The following NRXN3 variants were observed in gnomAD, a reference collection of about 807,000 sequenced individuals.
NRXN3 encodes the protein neurexin III.
A neutral mutation model predicts 137.6 loss-of-function variants in NRXN3; 32 were observed. The observed-to-expected ratio is 0.23, with a 90% CI of 0.18 to 0.31. The LOEUF is 0.31. NRXN3 is among the 10% of genes least tolerant of loss of function. The pLI, the probability that NRXN3 is intolerant of heterozygous loss-of-function variation, is 1.00. For synonymous variants in NRXN3, 798 were observed against 784.5 expected, an observed-to-expected ratio of 1.02 and a Z score of -0.29; for missense variants, 1,574 against 2,062.5, an observed-to-expected ratio of 0.76 and a Z score of 4.59.
intron 10 of NRXN3, among the ~76,000 whole-genome samples, chr14:78,882,255 A>C (rs1457474695): frequency 6.6e-6 from 1 of 151,744 alleles, no homozygotes; most frequent in Non-Finnish European, 1.5e-5. Flanking sequence ...TGGAGCCCCC[A>C]CACGGAGTCC....
At position 78,495,122 on chromosome 14, in the gene NRXN3, G is replaced by GGT. The variant is rs199921709; in HGVS notation, c.758-149988_758-149987dup. Among the ~76,000 whole-genome samples the GGT allele has an allele frequency of 6.7e-5, 5 of 75,180 alleles. No individual in the cohort carries two copies. The East Asian group carries it at 2.0e-3, about 30-fold the overall frequency. 49.3% of individuals were successfully genotyped at this position (75,180 alleles called of 152,430 possible). On this transcript the variant is annotated intron_variant, in intron 4 of 20. Coordinates refer to ENST00000335750, the MANE Select transcript of NRXN3 (RefSeq NM_001330195.2). ...TTTGTCAAACTGTTTGTATATGTGG[G>GGT]GTGTGTGTGTGCGTGCGTGTGTGTG...
chr14:79,390,084 G>A (rs1188203899), intron 15 of NRXN3, among the ~76,000 whole-genome samples: 4 of 152,082 alleles, frequency 2.6e-5, no homozygotes, highest in Non-Finnish European at 4.4e-5. Context: ...TTGGGAGGCC[G>A]AGGCTGGTGG....
At chr14:79,462,681 G>A (rs937410800) in intron 15 of NRXN3, among the ~76,000 whole-genome samples, 2 of 150,896 alleles carry the variant, frequency 1.3e-5, no homozygotes, top group Non-Finnish European at 3.0e-5. Flanking sequence ...TTGTATTATT[G>A]TATTTTAGTA....
At chr14:79,389,839 C>T (rs2153470913) in intron 15 of NRXN3, among the ~76,000 whole-genome samples, 1 of 152,178 alleles carries the variant, frequency 6.6e-6, no homozygotes, top group Non-Finnish European at 1.5e-5. Context: ...TAGTGAAAGT[C>T]AGGTTTGAAC....
chr14:79,344,724 G>A (rs1266485130), intron 15 of NRXN3, among the ~76,000 whole-genome samples: 1 of 152,082 alleles, frequency 6.6e-6, no homozygotes, highest in African/African-American at 2.4e-5. Context: ...AATGTGAAAT[G>A]CATCTGGAAA....
intron 16 of NRXN3, among the ~76,000 whole-genome samples, chr14:79,505,197 A>G (rs1207592686): frequency 6.6e-6 from 1 of 151,282 alleles, no homozygotes; most frequent in Non-Finnish European, 1.5e-5. Context: ...CCTGGGCAAC[A>G]AGAGTGAAAC....
intron 15 of NRXN3, among the ~76,000 whole-genome samples, chr14:79,142,499 G>A (rs1048522642): frequency 2.0e-5 from 3 of 151,996 alleles, no homozygotes; most frequent in Admixed American, 6.6e-5. Flanking sequence ...GGACATTTGA[G>A]CAAAGATATG....
At chr14:79,844,968 T>C (rs546078694) in intron 20 of NRXN3, among the ~76,000 whole-genome samples, 3 of 152,338 alleles carry the variant, frequency 2.0e-5, no homozygotes, top group African/African-American at 7.2e-5. Context: ...TTATCTTAGC[T>C]AGATTTTCTG....
intron 4 of NRXN3, among the ~76,000 whole-genome samples, chr14:78,587,676 A>G (rs1206979639): frequency 6.6e-6 from 1 of 152,186 alleles, no homozygotes; most frequent in African/African-American, 2.4e-5. Context: ...TAATCTGCCA[A>G]TCATCTTTCC....
intron 10 of NRXN3, among the ~76,000 whole-genome samples, chr14:78,880,971 A>G (rs1340985236): frequency 4.6e-5 from 7 of 152,200 alleles, no homozygotes; most frequent in African/African-American, 1.7e-4. Flanking sequence ...TAATTAAATC[A>G]CGGGGGCAAT....
rs200051399 is a variant in NRXN3 at position 78,789,061 on chromosome 14, A to C, written c.2045-14559A>C. ...CTGTCATTTATAATGGTTTATTTTG[A>C]AATTTTATAACATGTTTGCACAATA... On this transcript the variant is annotated intron_variant, in intron 8 of 20. Coordinates refer to ENST00000335750, the MANE Select transcript of NRXN3 (RefSeq NM_001330195.2). Among the ~76,000 whole-genome samples, 12 of 152,326 alleles carry C rather than the reference A, an allele frequency of 7.9e-5. No homozygotes were observed. The East Asian group carries it at 2.1e-3, about 27-fold the overall frequency.
chr14:78,267,247 T>C (rs1268599862), intron 2 of NRXN3, among the ~76,000 whole-genome samples: 1 of 152,194 alleles, frequency 6.6e-6, no homozygotes, highest in African/African-American at 2.4e-5. Context: ...TGACTCCCAA[T>C]TTATAGATGA....
intron 15 of NRXN3, among the ~76,000 whole-genome samples, chr14:79,434,560 C>T (rs905960044): frequency 4.6e-5 from 7 of 152,214 alleles, no homozygotes; most frequent in Non-Finnish European, 1.0e-4. Flanking sequence ...GTCAGTGGTG[C>T]AGGTACGATG....
intron 15 of NRXN3, among the ~76,000 whole-genome samples, chr14:79,191,340 T>C (rs1261088758): frequency 6.6e-6 from 1 of 152,186 alleles, no homozygotes; most frequent in African/African-American, 2.4e-5. Flanking sequence ...TGATGATAGA[T>C]GAAGACAATT....
chr14:79,740,767 T>TATATATATATAA (rs2098960421), intron 19 of NRXN3, among the ~76,000 whole-genome samples: 1 of 110,432 alleles, frequency 9.1e-6, no homozygotes, highest in African/African-American at 3.5e-5. Context: ...TATATATATA[T>TATATATATATAA]AACCTTACTT....
chr14:79,202,748 T>C (rs555809621), intron 15 of NRXN3, among the ~76,000 whole-genome samples: 1 of 152,320 alleles, frequency 6.6e-6, no homozygotes, highest in East Asian at 1.9e-4. Flanking sequence ...CCATCATATA[T>C]ATATACCACA....
At chr14:79,278,684 A>G (rs1352102650) in intron 15 of NRXN3, among the ~76,000 whole-genome samples, 41 of 152,176 alleles carry the variant, frequency 2.7e-4, no homozygotes, top group Non-Finnish European at 4.4e-5. Context: ...ACAGTGTCCT[A>G]TCCACCACCG....
At chr14:79,374,930 G>A (rs1040537148) in intron 15 of NRXN3, among the ~76,000 whole-genome samples, 1 of 152,104 alleles carries the variant, frequency 6.6e-6, no homozygotes, top group African/African-American at 2.4e-5. Flanking sequence ...ACATTTTACA[G>A]AGGCTGATTT....
intron 19 of NRXN3, 116 bp downstream of exon 19, chr14:79,698,053 G>T (rs757540897): frequency 4.3e-6 from 4 of 920,980 alleles, no homozygotes; most frequent in Non-Finnish European, 6.4e-6. Context: ...AAGGATGCTG[G>T]CAGATACTCA....
Sources: gnomAD v4.1 joint callset for allele counts (sites outside exome capture counted in the v4.1 genomes callset) on GRCh38, gnomAD v4.1.1 for gene constraint, MANE v1.5 for transcripts, NCBI Gene and HGNC (gene_info 2026-07-23, HGNC 2026-07-21) for gene names.